XIAP: variants seen among roughly 807,000 people sequenced by gnomAD.
XIAP encodes X-linked inhibitor of apoptosis.
A neutral mutation model predicts 33.1 loss-of-function variants in XIAP; 3 were observed. The ratio of observed to expected loss-of-function variants is 0.09; its 90% CI spans 0.04 to 0.23. The LOEUF (loss-of-function observed/expected upper bound fraction) is 0.23. XIAP is among the 10% of genes least tolerant of loss of function. The pLI is 1.00. For missense variants in XIAP, 264 were observed against 363.0 expected, an observed-to-expected ratio of 0.73 and a Z score of 2.22; for synonymous variants, 98 against 121.3, an observed-to-expected ratio of 0.81 and a Z score of 1.26.
At position 123,913,506 on chromosome X, in the gene XIAP, A is replaced by G. The variant is rs1569480828; in HGVS notation, c.*6325A>G. ...AAAACAAAAAAATTAGACAAATGCT[A>G]CATTAATGTTTGGGTGGTCAGATTC... is the stretch of plus-strand genomic sequence containing the variant. On this transcript the variant is annotated 3_prime_UTR_variant, in exon 7 of 7. Transcript: ENST00000371199. The G allele has an allele frequency of 3.0e-6, 1 of 329,265 alleles. No homozygotes were observed. The highest frequency in any genetic ancestry group is 5.9e-6 in the Non-Finnish European group (1 of 169,918). 27.1% of individuals were successfully genotyped at this position (329,265 alleles called of 1,213,427 possible). A position where few individuals can be genotyped will look rare whatever the true frequency, so the allele number is the denominator to read the frequency against.
intron 3 of XIAP, among the ~76,000 whole-genome samples, chrX:123,890,370 T>C (rs1263910680): frequency 9.4e-6 from 1 of 106,512 alleles, no homozygotes; most frequent in African/African-American, 3.4e-5. Flanking sequence ...GTGCCTGTAA[T>C]CTCAGCACTT....
At chrX:123,887,270 G>C (rs888914292) in intron 2 of XIAP, among the ~76,000 whole-genome samples, 1 of 110,471 alleles carries the variant, frequency 9.1e-6, no homozygotes, top group Non-Finnish European at 1.9e-5. Flanking sequence ...GGCTGGTCTC[G>C]AACTCCTGAC....
intron 5 of XIAP, among the ~76,000 whole-genome samples, chrX:123,895,657 T>C (rs367871637): frequency 8.0e-5 from 9 of 112,228 alleles, no homozygotes; most frequent in African/African-American, 2.9e-4. Flanking sequence ...TATCTCATTG[T>C]GGTTTTGTTT....
intron 5 of XIAP, among the ~76,000 whole-genome samples, chrX:123,897,593 C>T (rs1010105051): frequency 9.1e-5 from 10 of 109,722 alleles, no homozygotes; most frequent in South Asian, 3.9e-4. Context: ...GACGGAGCCT[C>T]GCTCTGTCAC....
chrX:123,877,905 C>T (rs1027949624), intron 1 of XIAP, among the ~76,000 whole-genome samples: 1 of 107,738 alleles, frequency 9.3e-6, no homozygotes, highest in Admixed American at 1.0e-4. Context: ...ACCCGGGAGG[C>T]GGAGCTTGCA....
Position 123,909,416 on chromosome X carries a change from C to T in XIAP, c.*2235C>T, listed in dbSNP as rs1392668877. 9.1e-6 allele frequency: 3 copies of T among 329,679 alleles called. No homozygotes were observed. The allele number at this position is 329,679 out of a possible 1,213,427, so 27.2% of individuals were successfully genotyped here. On this transcript the variant is annotated 3_prime_UTR_variant, in exon 7 of 7. Transcript: ENST00000371199. ...TTTAGTATGTAAATCCTCAGTTCTT[C>T]ACCTTTGCACTGTCTGCCACTTAGT...
At position 123,912,567 on chromosome X, in the gene XIAP, A is replaced by G. The variant is rs769405965; in HGVS notation, c.*5386A>G. 3 of 328,209 alleles carry G rather than the reference A, an allele frequency of 9.1e-6. No individual in the cohort carries two copies. Among genetic ancestry groups the G allele is most frequent in the South Asian group, 2.6e-5 (1 of 38,220 alleles). The allele number at this position is 328,209 out of a possible 1,213,427, so 27.0% of individuals were successfully genotyped here. ...GGAGGATCGCTTGAGTCTGGGAGGC[A>G]GAGGCTGCATTGAGCTATGATCATG... On this transcript the variant is annotated 3_prime_UTR_variant, in exon 7 of 7. Transcript: ENST00000371199.
chrX:123,900,859 A>T (rs1469447892), intron 6 of XIAP, among the ~76,000 whole-genome samples, 166 bp downstream of exon 6: 19 of 112,010 alleles, frequency 1.7e-4, no homozygotes, highest in Admixed American at 9.5e-4. Context: ...AATTCCATAG[A>T]CTAGGTGTCT....
chrX:123,868,170 A>G (rs1005377555), intron 1 of XIAP, among the ~76,000 whole-genome samples: 1 of 109,618 alleles, frequency 9.1e-6, no homozygotes, highest in African/African-American at 3.3e-5. Flanking sequence ...AATAATAAAA[A>G]AATTAGCTGG....
chrX:123,865,996 A>C (rs1472292956), intron 1 of XIAP, among the ~76,000 whole-genome samples: 5 of 104,803 alleles, frequency 4.8e-5, no homozygotes, highest in Non-Finnish European at 9.7e-5. Flanking sequence ...CTGGAGTGCA[A>C]TGGCTGCGAT....
chrX:123,873,136 ATT>A (rs749127028), intron 1 of XIAP, among the ~76,000 whole-genome samples: 35 of 107,824 alleles, frequency 3.2e-4, no homozygotes, highest in African/African-American at 1.2e-3. Context: ...GGTTCAAGTG[ATT>A]CTCTTGCCTC....
intron 1 of XIAP, among the ~76,000 whole-genome samples, chrX:123,880,851 G>A (rs891934362): frequency 1.0e-4 from 11 of 109,029 alleles, no homozygotes; most frequent in African/African-American, 3.7e-4. Context: ...CCACATTCTC[G>A]CTAGATTAGC....
intron 1 of XIAP, among the ~76,000 whole-genome samples, chrX:123,868,987 A>T (rs1328469539): frequency 9.1e-6 from 1 of 110,317 alleles, no homozygotes; most frequent in Non-Finnish European, 1.9e-5. Flanking sequence ...CCTTGTTATG[A>T]TATAGTTTTA....
intron 1 of XIAP, among the ~76,000 whole-genome samples, chrX:123,884,658 G>T (rs1354095528): frequency 9.0e-6 from 1 of 110,876 alleles, no homozygotes; most frequent in Non-Finnish European, 1.9e-5. Context: ...AGTTTGCCTG[G>T]GGCAACCCTG....
intron 1 of XIAP, among the ~76,000 whole-genome samples, chrX:123,885,287 CT>C (rs1488198332): frequency 9.0e-6 from 1 of 111,596 alleles, no homozygotes; most frequent in Non-Finnish European, 1.9e-5. Flanking sequence ...ATATTTTATG[CT>C]TTCATGTTTT....
chrX:123,879,499 T>C (rs1389627632), intron 1 of XIAP, among the ~76,000 whole-genome samples: 4 of 106,578 alleles, frequency 3.8e-5, no homozygotes, highest in African/African-American at 1.4e-4. Context: ...GAATGTTCAG[T>C]AGAGACGGGG....
intron 6 of XIAP, among the ~76,000 whole-genome samples, chrX:123,904,268 A>G (rs17334732): frequency 0.19 from 21,632 of 111,379 alleles, 1,491 homozygotes; most frequent in South Asian, 0.39. Context: ...TTGTAGCATT[A>G]CATCTAAAAG....
At chrX:123,862,804 G>A (rs373962786) in intron 1 of XIAP, among the ~76,000 whole-genome samples, 8 of 108,324 alleles carry the variant, frequency 7.4e-5, no homozygotes, top group South Asian at 4.1e-4. Context: ...GCAGTGAGCC[G>A]AGATTGCACC....
intron 3 of XIAP, among the ~76,000 whole-genome samples, chrX:123,889,864 T>C (rs1229735418): frequency 9.1e-6 from 1 of 110,021 alleles, no homozygotes. Flanking sequence ...ATGTGTGCTT[T>C]TTTGTTGTTG....
Sources: allele counts gnomAD v4.1 joint callset (sites outside exome capture counted in the v4.1 genomes callset), GRCh38; gene constraint gnomAD v4.1.1; transcripts MANE v1.5; gene names NCBI Gene and HGNC (gene_info 2026-07-23, HGNC 2026-07-21).